The following C22orf23 variants were observed in gnomAD, a reference collection of about 807,000 sequenced individuals.
The protein encoded by C22orf23 is UPF0193 protein EVG1.
In C22orf23, 30 loss-of-function variants were observed where a neutral mutation model predicts 29.7. That is an observed-to-expected ratio of 1.01 (90% CI 0.76 to 1.37). C22orf23 has a LOEUF of 1.37. C22orf23 is among the 40% of genes most tolerant of loss of function. The pLI is 0.00. For missense variants in C22orf23, 237 were observed against 273.1 expected (o/e 0.87, Z 0.93); for synonymous variants, 90 against 96.1 (o/e 0.94, Z 0.37).
chr22:37,951,358 T>C (rs1930999482), intron 3 of C22orf23, 102 bp downstream of exon 3: 1 of 1,085,352 alleles, frequency 9.2e-7, no homozygotes, highest in East Asian at 2.4e-5. Context: ...CGGCTGTCTT[T>C]GTTTTTTTTA....
chr22:37,951,571 C>G, intron 2 of C22orf23, 49 bp from the exon 3 acceptor site: 1 of 1,502,280 alleles, frequency 6.7e-7, no homozygotes, highest in Non-Finnish European at 9.3e-7. Flanking sequence ...AGGCGGATGC[C>G]TTCACCTGAC....
At chr22:37,944,616 C>T (rs1930582223) in intron 5 of C22orf23, 99 bp from the exon 6 acceptor site, 1 of 1,086,398 alleles carries the variant, frequency 9.2e-7, no homozygotes, top group African/African-American at 1.6e-5. Flanking sequence ...AATAGTGTTT[C>T]TAGGCCGGGC....
At chr22:37,951,136 C>T (rs1365489950) in intron 3 of C22orf23, 1 of 204,350 alleles carries the variant, frequency 4.9e-6, no homozygotes, top group Non-Finnish European at 1.0e-5. Flanking sequence ...GGCATGAACC[C>T]GGGAGGCAGA....
intron 3 of C22orf23, 179 bp downstream of exon 3, chr22:37,951,281 C>A: frequency 1.7e-6 from 1 of 578,314 alleles, no homozygotes; most frequent in African/African-American, 1.9e-5. Flanking sequence ...GTCTTGAACT[C>A]CTGGGCTTAA....
At chr22:37,949,452 T>TTTTG (rs1467090108) in intron 3 of C22orf23, among the ~76,000 whole-genome samples, 5 of 28,096 alleles carry the variant, frequency 1.8e-4, no homozygotes, top group African/African-American at 6.0e-4. Flanking sequence ...CTGGCTAATT[T>TTTTG]TTTTTTTTTT....
At chr22:37,945,505 T>C (rs1251581461) in intron 4 of C22orf23, among the ~76,000 whole-genome samples, 1 of 139,858 alleles carries the variant, frequency 7.2e-6, no homozygotes, top group South Asian at 2.1e-4. Context: ...TTTTTTTTTT[T>C]TTTTTTTGAG....
chr22:37,947,426 G>T lies in C22orf23; in HGVS notation c.204C>A (p.Ser68=), dbSNP rs1393574628. 3 of 1,610,906 alleles carry T rather than the reference G, an allele frequency of 1.9e-6. No homozygotes were observed. In the Admixed American group the frequency reaches 5.0e-5, roughly 27 times the overall value. ...GCTTGGAAGGTAAGACTCTCTGGCT[G>T]GATGTTGGGCTGCACTGTAGGGGCA... ...DALPLQCSPT[S]SQRVLPSKQI... The change falls in exon 4 of 7, where the codon TCC becomes TCA. Residue 68 remains serine (S), a synonymous_variant. Transcript: ENST00000403305.
chr22:37,947,757 G>C (rs552038373), intron 3 of C22orf23, among the ~76,000 whole-genome samples: 1 of 150,568 alleles, frequency 6.6e-6, no homozygotes, highest in Non-Finnish European at 1.5e-5. Flanking sequence ...CACCCACCTC[G>C]GCCTCCCAAA....
intron 3 of C22orf23, 106 bp from the exon 4 acceptor site, chr22:37,947,569 G>A (rs988966677): frequency 2.9e-5 from 29 of 995,468 alleles, no homozygotes; most frequent in East Asian, 9.1e-5. Context: ...GGAGTGCAGC[G>A]GCGCGATCTC....
chr22:37,951,342 C>G (rs946702436), intron 3 of C22orf23, 118 bp downstream of exon 3: 12 of 901,990 alleles, frequency 1.3e-5, no homozygotes, highest in Non-Finnish European at 2.1e-5. Flanking sequence ...GCATGAGCCA[C>G]GTGCCCGGCT....
chr22:37,952,907 C>G, intron 2 of C22orf23, 140 bp downstream of exon 2: 1 of 675,018 alleles, frequency 1.5e-6, no homozygotes, highest in Non-Finnish European at 2.6e-6. Flanking sequence ...TTATGAGAAT[C>G]TAACTAATAC....
At chr22:37,951,684 T>TA in intron 2 of C22orf23, 162 bp from the exon 3 acceptor site, 1 of 416,136 alleles carries the variant, frequency 2.4e-6, no homozygotes, top group Non-Finnish European at 4.3e-6. Context: ...TACGACCACC[T>TA]AAAATTCTAT....
At chr22:37,949,685 C>A (rs539381857) in intron 3 of C22orf23, among the ~76,000 whole-genome samples, 1 of 151,434 alleles carries the variant, frequency 6.6e-6, no homozygotes, top group South Asian at 2.1e-4. Flanking sequence ...TCTTGAACTC[C>A]TGACTTTGGG....
chr22:37,947,485 T>C, intron 3 of C22orf23, 22 bp from the exon 4 acceptor site: 4 of 899,650 alleles, frequency 4.4e-6, no homozygotes, highest in Non-Finnish European at 4.6e-6. Context: ...AGAGTTGGGG[T>C]GGGAGGACCC....
chr22:37,950,167 C>A (rs1930930916), intron 3 of C22orf23, among the ~76,000 whole-genome samples: 1 of 151,918 alleles, frequency 6.6e-6, no homozygotes, highest in Non-Finnish European at 1.5e-5. Flanking sequence ...CACTGGAGTG[C>A]AGTGGTATGG....
chr22:37,945,855 T>C (rs1235437344), intron 4 of C22orf23, among the ~76,000 whole-genome samples: 1 of 147,368 alleles, frequency 6.8e-6, no homozygotes, highest in African/African-American at 2.5e-5. Flanking sequence ...GGCTCACACC[T>C]GTAATCCTAG....
chr22:37,945,494 C>CTTT (rs369277812), intron 4 of C22orf23, among the ~76,000 whole-genome samples: 4 of 129,100 alleles, frequency 3.1e-5, no homozygotes, highest in South Asian at 5.3e-4. Flanking sequence ...TTTTTTTCTT[C>CTTT]TTTTTTTTTT....
Position 37,944,681 on chromosome 22 carries a change from A to C in C22orf23, c.482-164T>G, listed in dbSNP as rs569653281. On this transcript the variant is annotated intron_variant, in intron 5 of 6. Transcript: ENST00000403305. ...TTTGGGAGGCCAAGGCAGGTGGATC[A>C]CGAGGTCAGGAGTTCGAGACCAGCC... The C allele has an allele frequency of 5.6e-5, 35 of 619,592 alleles. No homozygotes were observed. In the South Asian group the frequency reaches 6.5e-4, roughly 12 times the overall value. 38.4% of individuals were successfully genotyped at this position (619,592 alleles called of 1,614,324 possible).
intron 6 of C22orf23, 68 bp downstream of exon 6, chr22:37,944,349 C>A: frequency 1.2e-6 from 2 of 1,613,158 alleles, no homozygotes; most frequent in Admixed American, 1.7e-5. Flanking sequence ...CCACAGCAGA[C>A]CCTGTATTTC....
Sources: gnomAD v4.1 joint callset for allele counts (sites outside exome capture counted in the v4.1 genomes callset) on GRCh38, gnomAD v4.1.1 for gene constraint, MANE v1.5 for transcripts, NCBI Gene and HGNC (gene_info 2026-07-23, HGNC 2026-07-21) for gene names.